Variants in SGCD observed in about 807,000 individuals in gnomAD.
SGCD encodes delta-sarcoglycan.
In SGCD, 18 loss-of-function variants were observed where a neutral mutation model predicts 36.6. The observed-to-expected ratio is 0.49, with a 90% confidence interval of 0.34 to 0.73. The LOEUF (loss-of-function observed/expected upper bound fraction) is 0.73, where lower values mean the gene tolerates loss of function less well. SGCD is among the 30% of genes least tolerant of loss of function. SGCD has a pLI of 0.01. For synonymous variants in SGCD, 133 were observed against 130.6 expected, an observed-to-expected ratio of 1.02 and a Z score of -0.12; for missense variants, 387 against 346.7, an observed-to-expected ratio of 1.12 and a Z score of -0.92.
At chr5:155,880,730 AG>A (rs1755864056) in intron 1 of SGCD, among the ~76,000 whole-genome samples, 1 of 152,172 alleles carries the variant, frequency 6.6e-6, no homozygotes, top group Non-Finnish European at 1.5e-5. Flanking sequence ...AACTTGAGCC[AG>A]AAAACCTGGA....
At chr5:156,436,583 G>A (rs1173816632) in intron 3 of SGCD, among the ~76,000 whole-genome samples, 1 of 152,228 alleles carries the variant, frequency 6.6e-6, no homozygotes, top group African/African-American at 2.4e-5. Context: ...ATGACCAGAT[G>A]TAAAGAGGCT....
At chr5:156,458,245 A>G (rs185352668) in intron 3 of SGCD, among the ~76,000 whole-genome samples, 452 of 152,276 alleles carry the variant, frequency 3.0e-3, no homozygotes, top group African/African-American at 0.01. Context: ...ACATGCCCCA[A>G]ATACCAAGAC....
At chr5:156,707,948 T>C (rs142860025) in intron 7 of SGCD, among the ~76,000 whole-genome samples, 1 of 152,198 alleles carries the variant, frequency 6.6e-6, no homozygotes, top group East Asian at 1.9e-4. Context: ...AGCATACCAC[T>C]GGTGTCACTC....
intron 1 of SGCD, among the ~76,000 whole-genome samples, chr5:155,993,681 C>T (rs1451029766): frequency 6.6e-6 from 1 of 152,124 alleles, no homozygotes; most frequent in African/African-American, 2.4e-5. Context: ...AATGAGTCTT[C>T]ACTTACACGT....
intron 3 of SGCD, among the ~76,000 whole-genome samples, chr5:156,459,030 A>G (rs939725945): frequency 2.6e-5 from 4 of 152,184 alleles, no homozygotes; most frequent in African/African-American, 9.6e-5. Flanking sequence ...TTTTCATTCA[A>G]CAGAAACCAT....
intron 3 of SGCD, among the ~76,000 whole-genome samples, chr5:156,409,981 G>A (rs923587658): frequency 1.3e-5 from 2 of 152,094 alleles, no homozygotes; most frequent in African/African-American, 4.8e-5. Context: ...GATGTATGAA[G>A]TAATATGTTA....
intron 3 of SGCD, among the ~76,000 whole-genome samples, chr5:156,387,562 A>C (rs926288350): frequency 6.6e-6 from 1 of 152,232 alleles, no homozygotes; most frequent in African/African-American, 2.4e-5. Context: ...AACAGGGCCC[A>C]GCTGAAGGCA....
chr5:156,521,993 C>T (rs7715748), intron 4 of SGCD, among the ~76,000 whole-genome samples: 5,594 of 152,236 alleles, frequency 0.037, 234 homozygotes, highest in African/African-American at 0.099. Context: ...GGCACATATA[C>T]GCTATGGAAT....
At chr5:156,061,816 T>A (rs1760215280) in intron 1 of SGCD, among the ~76,000 whole-genome samples, 1 of 145,336 alleles carries the variant, frequency 6.9e-6, no homozygotes, top group African/African-American at 2.5e-5. Context: ...TGGGGACATG[T>A]GTTGGAGTGT....
chr5:155,967,572 C>G (rs1041374757), intron 1 of SGCD, among the ~76,000 whole-genome samples: 1 of 152,038 alleles, frequency 6.6e-6, no homozygotes, highest in Admixed American at 6.6e-5. Context: ...CCCCAAGCCA[C>G]CACATTTAAA....
At chr5:156,708,736 G>A (rs1237827828) in intron 7 of SGCD, among the ~76,000 whole-genome samples, 3 of 152,146 alleles carry the variant, frequency 2.0e-5, no homozygotes, top group East Asian at 1.9e-4. Context: ...ATGTAAATAC[G>A]TGTGTGTGCG....
intron 1 of SGCD, among the ~76,000 whole-genome samples, chr5:156,070,163 C>A (rs1200157462): frequency 2.7e-5 from 4 of 149,236 alleles, no homozygotes; most frequent in Admixed American, 6.6e-5. Context: ...ACTTCCAACA[C>A]TATGTTGAAT....
chr5:156,457,362 C>A (rs1323086286), intron 3 of SGCD, among the ~76,000 whole-genome samples: 2 of 152,162 alleles, frequency 1.3e-5, no homozygotes, highest in Non-Finnish European at 2.9e-5. Flanking sequence ...TAGTTGTTCA[C>A]AGGAATTTAA....
intron 3 of SGCD, among the ~76,000 whole-genome samples, chr5:156,304,849 AAAG>A (rs535106119): frequency 6.6e-6 from 1 of 152,184 alleles, no homozygotes; most frequent in Non-Finnish European, 1.5e-5. Context: ...GAGGTGGAGC[AAAG>A]ATGACTCTTG....
At chr5:156,683,475 T>G (rs977809819) in intron 7 of SGCD, among the ~76,000 whole-genome samples, 2 of 152,204 alleles carry the variant, frequency 1.3e-5, no homozygotes, top group African/African-American at 4.8e-5. Flanking sequence ...GCCGACATGG[T>G]TAATCCTAAG....
intron 7 of SGCD, among the ~76,000 whole-genome samples, chr5:156,735,893 C>T (rs1285985015): frequency 2.0e-5 from 3 of 152,140 alleles, no homozygotes; most frequent in Non-Finnish European, 4.4e-5. Context: ...AGCTGCTGTG[C>T]CAAGACTCCA....
At chr5:156,161,938 A>G (rs1288807270) in intron 3 of SGCD, among the ~76,000 whole-genome samples, 2 of 151,474 alleles carry the variant, frequency 1.3e-5, no homozygotes, top group Non-Finnish European at 2.9e-5. Context: ...TGACTGTTAA[A>G]TTCAGTCACA....
chr5:156,653,085 A>T (rs1175683454), intron 7 of SGCD, among the ~76,000 whole-genome samples: 1 of 151,828 alleles, frequency 6.6e-6, no homozygotes, highest in Non-Finnish European at 1.5e-5. Flanking sequence ...TGAGGTTTTG[A>T]TATTCGGGTG....
chr5:155,783,746 A>T, the SGCD span, among the ~76,000 whole-genome samples: 7 of 152,194 alleles, frequency 4.6e-5, no homozygotes, highest in Non-Finnish European at 2.9e-5. Context: ...CCCTGTCTAG[A>T]TCTCCAATTC....
Sources: allele counts gnomAD v4.1 joint callset (sites outside exome capture counted in the v4.1 genomes callset), GRCh38; gene constraint gnomAD v4.1.1; transcripts MANE v1.5; gene names NCBI Gene and HGNC (gene_info 2026-07-23, HGNC 2026-07-21).